The following PTPRD variants were observed in gnomAD, a reference collection of about 807,000 sequenced individuals.
The protein encoded by PTPRD is receptor-type tyrosine-protein phosphatase delta.
Under a neutral mutation model 214.5 loss-of-function variants are expected in PTPRD, and 34 were observed. The observed-to-expected ratio is 0.16, with a 90% confidence interval of 0.12 to 0.21. The LOEUF (loss-of-function observed/expected upper bound fraction) is 0.21. PTPRD is among the 10% of genes least tolerant of loss of function. The pLI, the probability that PTPRD is intolerant of heterozygous loss-of-function variation, is 1.00. For synonymous variants in PTPRD, 1,128 were observed against 845.7 expected (o/e 1.33, Z -5.79); for missense variants, 2,545 against 2,398.7 (o/e 1.06, Z -1.27).
At chr9:10,150,696 TAAAAAAAAAGAAAC>T (rs2099055105) in intron 3 of PTPRD, among the ~76,000 whole-genome samples, 2 of 148,190 alleles carry the variant, frequency 1.3e-5, no homozygotes, top group Admixed American at 6.7e-5. Flanking sequence ...TAATAATCTT[TAAAAAAAAAGAAAC>T]AAAAAAAAAG....
intron 3 of PTPRD, among the ~76,000 whole-genome samples, chr9:10,057,754 A>T (rs1301462692): frequency 6.6e-6 from 1 of 151,428 alleles, no homozygotes; most frequent in Non-Finnish European, 1.5e-5. Flanking sequence ...GAGGGAGGGG[A>T]GTTGCTTGAA....
At chr9:8,814,800 G>A (rs762847846) in intron 11 of PTPRD, among the ~76,000 whole-genome samples, 1 of 152,152 alleles carries the variant, frequency 6.6e-6, no homozygotes. Flanking sequence ...ATAGACAAAG[G>A]CTACAAAAAT....
rs558095141 is a variant in PTPRD, at chr9:9,788,496, G to A, written c.-367-21645C>T. ...GAACCCGGGAGGCAGAGCTTGCAGT[G>A]AGCCGAGATCGGGCCACGGCACTCC... On this transcript the variant is annotated intron_variant, in intron 5 of 45. Transcript: ENST00000381196. Among the ~76,000 whole-genome samples, 4 of 146,614 alleles carry A rather than the reference G, an allele frequency of 2.7e-5. No homozygotes were observed. In the East Asian group the frequency reaches 8.0e-4, roughly 29 times the overall value.
chr9:9,129,186 T>G (rs2099838761), intron 10 of PTPRD, among the ~76,000 whole-genome samples: 1 of 152,154 alleles, frequency 6.6e-6, no homozygotes, highest in Non-Finnish European at 1.5e-5. Context: ...GGTCAGGAGT[T>G]TGAGACCCAC....
intron 3 of PTPRD, among the ~76,000 whole-genome samples, chr9:10,197,421 C>G (rs931930368): frequency 6.6e-6 from 1 of 152,204 alleles, no homozygotes; most frequent in Non-Finnish European, 1.5e-5. Context: ...GCTTTCCTTT[C>G]TCTTACAAGA....
intron 4 of PTPRD, among the ~76,000 whole-genome samples, chr9:9,991,177 G>C (rs746531739): frequency 1.3e-5 from 2 of 151,820 alleles, no homozygotes; most frequent in Non-Finnish European, 2.9e-5. Flanking sequence ...CATGTGATCT[G>C]TCTGCTTCGG....
In PTPRD at chr9:10,514,306, G is replaced by A. The variant is rs1383255121; in HGVS notation, c.-600+98092C>T. Reference sequence around the variant, plus strand: ...TTTTTTATAAACTCTTCTTTGGGGAGCAAAATCAAAATTTTAAGAATTACA... The same window carrying A: ...TTTTTTATAAACTCTTCTTTGGGGAACAAAATCAAAATTTTAAGAATTACA... On this transcript the variant is annotated intron_variant, in intron 2 of 45. Coordinates refer to ENST00000381196, the MANE Select transcript of PTPRD (RefSeq NM_002839.4). 5.3e-5 allele frequency among the ~76,000 whole-genome samples: 8 copies of A among 150,994 alleles called. No homozygotes were observed. The South Asian group carries it at 1.5e-3, about 28-fold the overall frequency.
At chr9:8,480,787 C>A (rs1406057539) in intron 30 of PTPRD, among the ~76,000 whole-genome samples, 1 of 152,136 alleles carries the variant, frequency 6.6e-6, no homozygotes, top group Non-Finnish European at 1.5e-5. Context: ...CGCTGTCATA[C>A]TGAAATTGCT....
chr9:9,909,007 T>C (rs1455549780), intron 5 of PTPRD, among the ~76,000 whole-genome samples: 1 of 151,978 alleles, frequency 6.6e-6, no homozygotes, highest in Non-Finnish European at 1.5e-5. Context: ...TATATTAACA[T>C]CATATTCTAT....
At chr9:8,827,794 T>C (rs998966540) in intron 11 of PTPRD, among the ~76,000 whole-genome samples, 1 of 152,182 alleles carries the variant, frequency 6.6e-6, no homozygotes, top group African/African-American at 2.4e-5. Flanking sequence ...ATTTATGAAT[T>C]AAACTAAATA....
chr9:8,380,809 T>C (rs898973552), intron 37 of PTPRD, among the ~76,000 whole-genome samples: 4 of 152,084 alleles, frequency 2.6e-5, no homozygotes, highest in African/African-American at 9.7e-5. Context: ...ACCTTGGGAG[T>C]GCTCAGCATA....
chr9:9,874,832 C>T (rs1192158294), intron 5 of PTPRD, among the ~76,000 whole-genome samples: 1 of 152,024 alleles, frequency 6.6e-6, no homozygotes, highest in Non-Finnish European at 1.5e-5. Context: ...TATTTTGTGT[C>T]CAGGGAATTT....
chr9:10,215,751 A>G (rs1470024069), intron 3 of PTPRD, among the ~76,000 whole-genome samples: 1 of 152,078 alleles, frequency 6.6e-6, no homozygotes, highest in African/African-American at 2.4e-5. Context: ...GTTGTCTGTC[A>G]AAACTGGAAT....
intron 2 of PTPRD, among the ~76,000 whole-genome samples, chr9:10,563,905 T>C (rs1470890182): frequency 1.3e-5 from 2 of 151,854 alleles, no homozygotes; most frequent in Non-Finnish European, 2.9e-5. Context: ...CCTGTGTAAA[T>C]AAGATCTATA....
At chr9:9,884,832 C>A (rs573392448) in intron 5 of PTPRD, among the ~76,000 whole-genome samples, 2 of 152,234 alleles carry the variant, frequency 1.3e-5, no homozygotes, top group South Asian at 4.1e-4. Flanking sequence ...TGAAGAAGGA[C>A]GTGTTTGTTT....
chr9:9,650,601 G>C (rs2096313350), intron 7 of PTPRD, among the ~76,000 whole-genome samples: 1 of 152,072 alleles, frequency 6.6e-6, no homozygotes. Context: ...ACCTAGAGGG[G>C]AACAACATAT....
chr9:8,331,014 T>TTAAC (rs1587786990), intron 44 of PTPRD, among the ~76,000 whole-genome samples: 1 of 152,150 alleles, frequency 6.6e-6, no homozygotes. Flanking sequence ...TTTATTTCTA[T>TTAAC]TAACTTCAAT....
chr9:9,349,154 TA>T (rs2050109550), intron 9 of PTPRD, among the ~76,000 whole-genome samples: 1 of 152,124 alleles, frequency 6.6e-6, no homozygotes, highest in African/African-American at 2.4e-5. Context: ...TCACTCGACG[TA>T]AATCTGATCA....
At chr9:10,427,561 T>G (rs577020051) in intron 2 of PTPRD, among the ~76,000 whole-genome samples, 3 of 152,006 alleles carry the variant, frequency 2.0e-5, no homozygotes, top group African/African-American at 7.2e-5. Flanking sequence ...CCACTGATGG[T>G]TGATAATTGT....
Sources: allele counts gnomAD v4.1 joint callset (sites outside exome capture counted in the v4.1 genomes callset), GRCh38; gene constraint gnomAD v4.1.1; transcripts MANE v1.5; gene names NCBI Gene and HGNC (gene_info 2026-07-23, HGNC 2026-07-21).